The following CLVS1 variants were observed in gnomAD, a reference collection of about 807,000 sequenced individuals.
The protein encoded by CLVS1 is clavesin-1.
A neutral mutation model predicts 33.1 loss-of-function variants in CLVS1; 10 were observed. That is an observed-to-expected ratio of 0.30 (90% CI 0.19 to 0.51). The LOEUF (loss-of-function observed/expected upper bound fraction) is 0.51. Among genes scored for constraint, CLVS1 ranks in the 20% least tolerant of loss-of-function variants. The probability of loss-of-function intolerance (pLI) is 0.97; values close to 1 mark genes in which losing one functional copy is unlikely to be tolerated. For synonymous variants in CLVS1, 163 were observed against 166.1 expected (o/e 0.98, Z 0.14); for missense variants, 343 against 433.4 (o/e 0.79, Z 1.85).
At chr8:61,033,008 A>AAGAAGGAAGGAAG in the CLVS1 span, among the ~76,000 whole-genome samples, 1 of 111,626 alleles carries the variant, frequency 9.0e-6, no homozygotes, top group African/African-American at 3.7e-5. Flanking sequence ...AAAGAAAGAA[A>AAGAAGGAAGGAAG]GAAAGAAAGA....
upstream of CLVS1, among the ~76,000 whole-genome samples, chr8:61,052,839 G>A (rs533842708): frequency 1.1e-4 from 17 of 152,288 alleles, no homozygotes; most frequent in South Asian, 2.1e-4. Flanking sequence ...CATTCAGACC[G>A]TTGACATGAG....
intron 2 of CLVS1, among the ~76,000 whole-genome samples, chr8:61,258,283 G>A (rs1419952108): frequency 6.6e-6 from 1 of 152,206 alleles, no homozygotes; most frequent in African/African-American, 2.4e-5. Flanking sequence ...AAGTAGTCAA[G>A]ATAATAGCAT....
intron 2 of CLVS1, among the ~76,000 whole-genome samples, chr8:61,368,783 A>G (rs1175567652): frequency 6.6e-6 from 1 of 152,222 alleles, no homozygotes; most frequent in Non-Finnish European, 1.5e-5. Flanking sequence ...TATTTCTAAA[A>G]ATCTGATGCT....
At chr8:61,321,310 T>C (rs1464940575) in intron 2 of CLVS1, among the ~76,000 whole-genome samples, 1 of 152,112 alleles carries the variant, frequency 6.6e-6, no homozygotes, top group East Asian at 1.9e-4. Context: ...TGCGGTGGTT[T>C]GCTAGCTTGC....
intron 2 of CLVS1, among the ~76,000 whole-genome samples, chr8:61,215,962 C>G (rs1808076524): frequency 6.6e-6 from 1 of 152,008 alleles, no homozygotes; most frequent in Admixed American, 6.6e-5. Flanking sequence ...AGCAACTGAG[C>G]AGTGGAAACC....
the CLVS1 span, among the ~76,000 whole-genome samples, chr8:60,972,634 T>C: frequency 5.3e-5 from 8 of 152,182 alleles, no homozygotes; most frequent in Non-Finnish European, 8.8e-5. Flanking sequence ...TTTTGCATTT[T>C]TGATGACCAG....
intron 2 of CLVS1, among the ~76,000 whole-genome samples, chr8:61,183,125 A>G (rs1170543115): frequency 6.8e-6 from 1 of 146,490 alleles, no homozygotes; most frequent in East Asian, 1.9e-4. Flanking sequence ...GGAGGGGAAC[A>G]ACACACACCA....
At chr8:61,132,624 C>T (rs980301442) in intron 2 of CLVS1, among the ~76,000 whole-genome samples, 1 of 152,146 alleles carries the variant, frequency 6.6e-6, no homozygotes, top group Non-Finnish European at 1.5e-5. Context: ...TGGCACAGTT[C>T]AGGGCTATTT....
rs150317242 is a variant in CLVS1 at position 61,432,773 on chromosome 8, C to T, written c.631-21368C>T. The stretch of plus-strand genomic sequence containing the variant: ...AACAAAGTATAAACCGAAAAGTGAC[C>T]GAGGCAGATCTCAATCAATTCAGAG... On this transcript the variant is annotated intron_variant, in intron 3 of 5. Coordinates refer to ENST00000325897, the MANE Select transcript of CLVS1 (RefSeq NM_173519.3). Among the ~76,000 whole-genome samples, 227 of 152,190 alleles carry T rather than the reference C, an allele frequency of 1.5e-3. 2 individuals are homozygous for T. The highest frequency in any genetic ancestry group is 5.0e-3 in the African/African-American group (209 of 41,504).
At chr8:61,093,410 T>TG (rs1156843882) in intron 1 of CLVS1, among the ~76,000 whole-genome samples, 3 of 152,182 alleles carry the variant, frequency 2.0e-5, no homozygotes, top group African/African-American at 7.2e-5. Flanking sequence ...GAGGTGAGTG[T>TG]GGGGGTCCAA....
In CLVS1 at chr8:61,360,404, C is replaced by A. The variant is rs570260441; in HGVS notation, c.456-16201C>A. Among the ~76,000 whole-genome samples, 110 of 152,226 alleles carry A rather than the reference C, an allele frequency of 7.2e-4. 1 individual carries two copies. The highest frequency in any genetic ancestry group is 5.6e-4 in the Non-Finnish European group (38 of 67,998). On this transcript the variant is annotated intron_variant, in intron 2 of 5. Coordinates refer to ENST00000325897, the MANE Select transcript of CLVS1 (RefSeq NM_173519.3). Reference sequence around the variant, plus strand: ...AGTCAGTGATAAAAATCTGGTTGAACAAACATTTTGTATGCATGCATTTAA... The same window carrying A: ...AGTCAGTGATAAAAATCTGGTTGAAAAAACATTTTGTATGCATGCATTTAA...
intron 2 of CLVS1, among the ~76,000 whole-genome samples, chr8:61,355,152 A>G (rs2129599365): frequency 6.6e-6 from 1 of 152,298 alleles, no homozygotes; most frequent in East Asian, 1.9e-4. Context: ...GAGCTCTTGC[A>G]GCAACATCAA....
At chr8:61,241,091 A>G (rs969423453) in intron 2 of CLVS1, among the ~76,000 whole-genome samples, 2 of 152,066 alleles carry the variant, frequency 1.3e-5, no homozygotes, top group African/African-American at 2.4e-5. Flanking sequence ...TCATCCTTAC[A>G]TGGCAGTCAC....
At chr8:61,391,596 T>C (rs1484085238) in intron 3 of CLVS1, among the ~76,000 whole-genome samples, 2 of 152,210 alleles carry the variant, frequency 1.3e-5, no homozygotes, top group South Asian at 2.1e-4. Flanking sequence ...TAATGGATAA[T>C]ATTAACAATG....
At position 61,273,612 on chromosome 8, in the gene CLVS1, A is replaced by G. The variant is rs1809500659; in HGVS notation, c.-151-26065A>G. ...AGCCTTGCTGCCACCTTGCAGTTTG[A>G]TCTCAGACTGCTGTGCTAGCAATCA... On this transcript the variant is annotated intron_variant, in intron 2 of 2. Coordinates refer to the CLVS1 transcript ENST00000522621. Among the ~76,000 whole-genome samples, 5 of 152,048 alleles carry G rather than the reference A, an allele frequency of 3.3e-5. No individual in the cohort carries two copies. The South Asian group carries it at 1.0e-3, about 32-fold the overall frequency.
chr8:61,275,871 G>A lies in CLVS1; in HGVS notation c.-151-23806G>A, dbSNP rs1011495928. Among the ~76,000 whole-genome samples, 11 of 152,222 alleles carry A rather than the reference G, an allele frequency of 7.2e-5. No individual in the cohort carries two copies. In the East Asian group the frequency reaches 7.7e-4, roughly 11 times the overall value. On this transcript the variant is annotated intron_variant, in intron 2 of 2. Coordinates refer to the CLVS1 transcript ENST00000522621. ...GTTTAGAAATTATTCTCTCTTAGCC[G>A]TCATGTTGCTCGTGCAATATTTCTT...
Position 61,093,739 on chromosome 8 carries a change from C to T in CLVS1, c.-243+36509C>T, listed in dbSNP as rs1382402569. On this transcript the variant is annotated intron_variant, in intron 1 of 2. Transcript: ENST00000522621. ...CTTAGCTGCTTTTTCTTGGACCCCT[C>T]CCCCCAGCAAGAAATCACTGCATTT... Among the ~76,000 whole-genome samples, 5 of 152,278 alleles carry T rather than the reference C, an allele frequency of 3.3e-5. 1 individual carries two copies. Among genetic ancestry groups the T allele is most frequent in the Admixed American group, 2.6e-4 (4 of 15,304 alleles).
intron 3 of CLVS1, among the ~76,000 whole-genome samples, chr8:61,404,490 A>T (rs1246290034): frequency 6.6e-6 from 1 of 152,178 alleles, no homozygotes; most frequent in Non-Finnish European, 1.5e-5. Flanking sequence ...TCTATAATGA[A>T]TAGGTGAAAG....
chr8:61,063,487 C>T (rs1422452027), intron 1 of CLVS1, among the ~76,000 whole-genome samples: 2 of 152,060 alleles, frequency 1.3e-5, no homozygotes, highest in Admixed American at 6.6e-5. Flanking sequence ...AGAAGCGACA[C>T]AGGACAGGAA....
Sources: gnomAD v4.1 joint callset for allele counts (sites outside exome capture counted in the v4.1 genomes callset) on GRCh38, gnomAD v4.1.1 for gene constraint, MANE v1.5 for transcripts, NCBI Gene and HGNC (gene_info 2026-07-23, HGNC 2026-07-21) for gene names.